Variants in SH3D19 observed in about 807,000 individuals in gnomAD.
The protein encoded by SH3D19 is SH3 domain-containing protein 19.
SH3D19 carries 58 observed loss-of-function variants against 112.1 expected under a neutral mutation model. The observed-to-expected ratio is 0.52, with a 90% CI of 0.42 to 0.64. SH3D19 has a LOEUF of 0.64. Ranked by LOEUF, SH3D19 falls within the 30% of genes least tolerant of loss-of-function variation. SH3D19 has a pLI of 0.00. For synonymous variants in SH3D19, 391 were observed against 448.5 expected, an observed-to-expected ratio of 0.87 and a Z score of 1.62; for missense variants, 1,090 against 1,263.4, an observed-to-expected ratio of 0.86 and a Z score of 2.08.
intron 1 of SH3D19, among the ~76,000 whole-genome samples, chr4:151,238,862 G>T (rs1320192): frequency 6.6e-6 from 1 of 151,976 alleles, no homozygotes. Context: ...ACAACACAAC[G>T]TCTGTTGCAA....
intron 1 of SH3D19, among the ~76,000 whole-genome samples, chr4:151,271,833 C>A (rs1218076578): frequency 6.6e-6 from 1 of 152,160 alleles, no homozygotes; most frequent in Non-Finnish European, 1.5e-5. Context: ...TATCTCATTT[C>A]TTATGAAAAT....
intron 2 of SH3D19, 81 bp downstream of exon 2, chr4:151,225,966 G>C: frequency 1.1e-6 from 1 of 928,428 alleles, no homozygotes; most frequent in Non-Finnish European, 1.4e-6. Context: ...TAACTCTAAA[G>C]AGGACACTTA....
chr4:151,313,036 C>G (rs1258804652), intron 1 of SH3D19, among the ~76,000 whole-genome samples: 1 of 149,178 alleles, frequency 6.7e-6, no homozygotes, highest in African/African-American at 2.5e-5. Flanking sequence ...TTGCACTGAG[C>G]CGGGATCATG....
intron 1 of SH3D19, among the ~76,000 whole-genome samples, chr4:151,257,686 G>A (rs1168223452): frequency 2.0e-5 from 3 of 152,128 alleles, no homozygotes; most frequent in Admixed American, 6.5e-5. Flanking sequence ...GGAGCCTGGG[G>A]AGGGAGGATT....
At chr4:151,218,201 G>A (rs550894280) in intron 2 of SH3D19, among the ~76,000 whole-genome samples, 1 of 152,200 alleles carries the variant, frequency 6.6e-6, no homozygotes, top group African/African-American at 2.4e-5. Context: ...TCTAGTAAAA[G>A]GAGACATGGG....
At chr4:151,136,846 C>G (rs145264069) in intron 14 of SH3D19, among the ~76,000 whole-genome samples, 2 of 152,306 alleles carry the variant, frequency 1.3e-5, no homozygotes, top group Admixed American at 6.5e-5. Flanking sequence ...AATGCCTACC[C>G]TTCATAATCC....
At position 151,281,269 on chromosome 4, in the gene SH3D19, TAAAAAC is replaced by T. The variant is rs374486596; in HGVS notation, c.112+43966_112+43971del. ...ATGAGACTGGTGATGGGTATAAAGA[TAAAAAC>T]AAAAAACCAAAGTGAGCCCACTTAT... is the stretch of plus-strand genomic sequence containing the variant. On this transcript the variant is annotated intron_variant, in intron 1 of 19. Transcript: ENST00000604030. 2.0e-5 allele frequency among the ~76,000 whole-genome samples: 3 copies of T among 152,014 alleles called. No individual in the cohort carries two copies. In the East Asian group the frequency reaches 5.8e-4, roughly 29 times the overall value.
At chr4:151,242,449 C>A (rs558631194) in intron 1 of SH3D19, among the ~76,000 whole-genome samples, 1 of 152,248 alleles carries the variant, frequency 6.6e-6, no homozygotes, top group Non-Finnish European at 1.5e-5. Context: ...AAATAACATG[C>A]GCAGAGTCAC....
intron 1 of SH3D19, among the ~76,000 whole-genome samples, chr4:151,277,630 G>C (rs9990721): frequency 0.35 from 52,334 of 151,618 alleles, 10,123 homozygotes; most frequent in Non-Finnish European, 0.46. Flanking sequence ...ACTAAATTAA[G>C]TAAGAGGATC....
In SH3D19 at chr4:151,175,222, C is replaced by T. The variant is rs1429604424; in HGVS notation, c.982G>A (p.Val328Ile). The T allele has an allele frequency of 1.9e-6, 3 of 1,614,088 alleles. No homozygotes were observed. Among genetic ancestry groups the T allele is most frequent in the Non-Finnish European group, 2.5e-6 (3 of 1,180,042 alleles). The part of the protein sequence containing the change: ...TPRSLPPKPT[V>I]SSGKPSVAPK... ...GCTACAGAAGGTTTCCCTGAGGAAA[C>T]AGTAGGCTTTGGAGGAAGTGAACGT... The change falls in exon 7 of 20, where the codon GTT (valine) becomes ATT (isoleucine). Residue 328 changes from valine (V) to isoleucine (I), a missense_variant. Physicochemically the swap from Val to Ile is conservative, Grantham distance 29. Transcript: ENST00000604030.
In SH3D19 at chr4:151,175,621, T is replaced by G; in HGVS notation, c.583A>C (p.Asn195His). The G allele has an allele frequency of 7.6e-7, 1 of 1,315,574 alleles. No individual in the cohort carries two copies. The highest frequency in any genetic ancestry group is 9.6e-7 in the Non-Finnish European group (1 of 1,038,874). The allele number at this position is 1,315,574 out of a possible 1,614,324, so 81.5% of individuals were successfully genotyped here. A position where few individuals can be genotyped will look rare whatever the true frequency, so the allele number is the denominator to read the frequency against. Residue 195 changes from asparagine to histidine, a missense_variant, in exon 7 of 20, where the codon AAT (asparagine) becomes CAT (histidine). Asn to His is a moderately conservative substitution (Grantham distance 68). Coordinates refer to ENST00000604030, the MANE Select transcript of SH3D19 (RefSeq NM_001378122.1). ...AAAGGTGCCACATTTGTTGGAAGATTGCCAGACGAGACTGCTGAGAAAGGC... is the reference window on the plus strand; with the variant it reads ...AAAGGTGCCACATTTGTTGGAAGATGGCCAGACGAGACTGCTGAGAAAGGC... Reference protein sequence around the residue: ...LQPFSAVSSGNLPTNVAPLIV... With the variant: ...LQPFSAVSSGHLPTNVAPLIV...
chr4:151,156,519 A>G (rs1756130556), intron 9 of SH3D19, among the ~76,000 whole-genome samples: 1 of 152,202 alleles, frequency 6.6e-6, no homozygotes, highest in Non-Finnish European at 1.5e-5. Context: ...AAATTAATCC[A>G]CATATCTACA....
Position 151,277,078 on chromosome 4 carries a change from T to C in SH3D19, c.112+48163A>G, listed in dbSNP as rs866786288. On this transcript the variant is annotated intron_variant, in intron 1 of 19. Transcript: ENST00000604030. ...AGGGGGTGAAGCAGAGGAATCCATC[T>C]AGGAGAAGCTAGTTCTGGCAGCTCC... The C allele has an allele frequency of 6.0e-5, 55 of 917,958 alleles. 1 individual carries two copies. The Middle Eastern group carries it at 1.2e-3, about 20-fold the overall frequency. The allele number at this position is 917,958 out of a possible 1,614,324, so 56.9% of individuals were successfully genotyped here. A position where few individuals can be genotyped will look rare whatever the true frequency, so the allele number is the denominator to read the frequency against.
At chr4:151,139,443 C>A (rs965812434) in intron 13 of SH3D19, among the ~76,000 whole-genome samples, 1 of 152,152 alleles carries the variant, frequency 6.6e-6, no homozygotes, top group Non-Finnish European at 1.5e-5. Context: ...TGAGCCACTG[C>A]GCCCGGCCTA....
intron 7 of SH3D19, 112 bp from the exon 8 acceptor site, chr4:151,165,808 T>C (rs923811212): frequency 8.4e-6 from 7 of 828,686 alleles, no homozygotes; most frequent in East Asian, 2.6e-5. Flanking sequence ...AAACTATTCA[T>C]GGATAAACAA....
intron 2 of SH3D19, among the ~76,000 whole-genome samples, chr4:151,198,364 T>C (rs1211946821): frequency 8.9e-6 from 1 of 111,944 alleles, no homozygotes; most frequent in African/African-American, 2.9e-5. Flanking sequence ...TATAAAATTA[T>C]ATTATATAAA....
intron 2 of SH3D19, among the ~76,000 whole-genome samples, chr4:151,197,976 C>A (rs1191366674): frequency 6.6e-6 from 1 of 152,122 alleles, no homozygotes; most frequent in African/African-American, 2.4e-5. Context: ...TGTTGTGACA[C>A]TGTAAGATTT....
At chr4:151,221,445 G>A (rs1483039031) in intron 2 of SH3D19, among the ~76,000 whole-genome samples, 6 of 152,200 alleles carry the variant, frequency 3.9e-5, no homozygotes, top group Non-Finnish European at 7.3e-5. Context: ...ACAGGTCACC[G>A]CCAATGTCAG....
rs753610361 is a variant in SH3D19 at position 151,139,789 on chromosome 4, T to C, written c.2282A>G (p.His761Arg). The change falls in exon 13 of 20, where the codon CAT becomes CGT. Residue 761 changes from histidine (H) to arginine (R), a missense_variant. His to Arg is a conservative substitution (Grantham distance 29). Transcript: ENST00000604030. The part of the protein sequence containing the change: ...DSGAPHAVVL[H>R]DFPAEQVDDL... ...TACATCCTTACCTGCTGGGAAATCA[T>C]GAAGAACGACAGCATGAGGAGCACC... is the stretch of plus-strand genomic sequence containing the variant. 1 of 1,614,154 alleles carries C rather than the reference T, an allele frequency of 6.2e-7. No homozygotes were observed. Among genetic ancestry groups the C allele is most frequent in the South Asian group, 1.1e-5 (1 of 91,072 alleles).
Sources: allele counts gnomAD v4.1 joint callset (sites outside exome capture counted in the v4.1 genomes callset), GRCh38; gene constraint gnomAD v4.1.1; transcripts MANE v1.5; gene names NCBI Gene and HGNC (gene_info 2026-07-23, HGNC 2026-07-21).